Variants in MAGI1 observed in about 807,000 individuals in gnomAD.
MAGI1 encodes membrane associated guanylate kinase, WW and PDZ domain containing 1.
MAGI1 carries 58 observed loss-of-function variants against 139.9 expected under a neutral mutation model. The ratio of observed to expected loss-of-function variants is 0.41; its 90% CI spans 0.34 to 0.52. The LOEUF (loss-of-function observed/expected upper bound fraction) is 0.52, where lower values mean the gene tolerates loss of function less well. Among genes scored for constraint, MAGI1 ranks in the 20% least tolerant of loss-of-function variants. The pLI, the probability that MAGI1 is intolerant of heterozygous loss-of-function variation, is 0.12. For missense variants in MAGI1, 1,874 were observed against 1,901.6 expected, an observed-to-expected ratio of 0.99 and a Z score of 0.27; for synonymous variants, 812 against 737.9, an observed-to-expected ratio of 1.10 and a Z score of -1.63.
At chr3:65,819,650 G>T (rs943705348) in intron 1 of MAGI1, among the ~76,000 whole-genome samples, 1 of 151,906 alleles carries the variant, frequency 6.6e-6, no homozygotes, top group Non-Finnish European at 1.5e-5. Context: ...AGGCCAAGGC[G>T]GGTGGATCAT....
chr3:65,831,087 T>C (rs2042499863), intron 1 of MAGI1, among the ~76,000 whole-genome samples: 1 of 152,198 alleles, frequency 6.6e-6, no homozygotes, highest in Non-Finnish European at 1.5e-5. Context: ...TGATTCTGCA[T>C]TCTAAATTCA....
chr3:65,642,083 A>T (rs1329027626), intron 1 of MAGI1, among the ~76,000 whole-genome samples: 1 of 152,220 alleles, frequency 6.6e-6, no homozygotes, highest in Non-Finnish European at 1.5e-5. Flanking sequence ...CTGAAGGTGC[A>T]CAAAGCACCA....
At chr3:65,632,047 G>A (rs1230138927) in intron 1 of MAGI1, among the ~76,000 whole-genome samples, 1 of 151,154 alleles carries the variant, frequency 6.6e-6, no homozygotes, top group Non-Finnish European at 1.5e-5. Flanking sequence ...ACAGATATTT[G>A]CATGTCTTTC....
chr3:65,786,269 TTGCC>T (rs2039373907), intron 1 of MAGI1, among the ~76,000 whole-genome samples: 1 of 140,806 alleles, frequency 7.1e-6, no homozygotes, highest in African/African-American at 2.6e-5. Flanking sequence ...TTTTTTTTTT[TTGCC>T]TTGAAATCAA....
intron 14 of MAGI1, among the ~76,000 whole-genome samples, chr3:65,387,694 T>C (rs1378619110): frequency 6.6e-6 from 1 of 152,228 alleles, no homozygotes; most frequent in Non-Finnish European, 1.5e-5. Flanking sequence ...CAAGCCAGAA[T>C]AGTCTTATAT....
chr3:65,858,792 T>C (rs1559950137), intron 1 of MAGI1, among the ~76,000 whole-genome samples: 1 of 152,220 alleles, frequency 6.6e-6, no homozygotes, highest in Non-Finnish European at 1.5e-5. Flanking sequence ...TTTATGCAAA[T>C]ATATCTGCTC....
intron 1 of MAGI1, among the ~76,000 whole-genome samples, chr3:65,950,438 G>A (rs1322449348): frequency 2.0e-5 from 3 of 152,076 alleles, no homozygotes; most frequent in Admixed American, 6.5e-5. Flanking sequence ...CTTGTACCCC[G>A]CCCTCGCTGT....
chr3:65,454,556 A>C (rs1949261613), intron 5 of MAGI1, among the ~76,000 whole-genome samples: 1 of 135,864 alleles, frequency 7.4e-6, no homozygotes, highest in Admixed American at 6.9e-5. Context: ...TAATAATAAT[A>C]AAAAAATACT....
chr3:65,974,551 T>C (rs1041855744), intron 1 of MAGI1, among the ~76,000 whole-genome samples: 6 of 152,208 alleles, frequency 3.9e-5, no homozygotes, highest in Non-Finnish European at 7.3e-5. Flanking sequence ...TGACAGTTTC[T>C]GTGGGTCAGG....
intron 1 of MAGI1, among the ~76,000 whole-genome samples, chr3:65,975,224 C>G (rs10510948): frequency 1.3e-5 from 2 of 151,968 alleles, no homozygotes; most frequent in African/African-American, 2.4e-5. Context: ...TCTAAAAATT[C>G]AAGACTTGAC....
intron 1 of MAGI1, among the ~76,000 whole-genome samples, chr3:65,931,314 T>G (rs746618888): frequency 5.5e-4 from 84 of 152,332 alleles, no homozygotes; most frequent in Non-Finnish European, 1.1e-3. Flanking sequence ...ATTACAGGCA[T>G]GAGCCACCGC....
chr3:65,780,296 T>C (rs1159265452), intron 1 of MAGI1, among the ~76,000 whole-genome samples: 1 of 152,184 alleles, frequency 6.6e-6, no homozygotes, highest in Non-Finnish European at 1.5e-5. Flanking sequence ...AGTGCTGGGA[T>C]TACAGGAGTG....
At chr3:65,558,330 T>G (rs1334533004) in intron 2 of MAGI1, among the ~76,000 whole-genome samples, 1 of 152,128 alleles carries the variant, frequency 6.6e-6, no homozygotes, top group African/African-American at 2.4e-5. Context: ...GTGGAAAGAA[T>G]TACTAAGCAA....
At chr3:65,423,922 T>G (rs1157216645) in intron 12 of MAGI1, among the ~76,000 whole-genome samples, 1 of 152,226 alleles carries the variant, frequency 6.6e-6, no homozygotes, top group African/African-American at 2.4e-5. Context: ...TTATACTAAT[T>G]TATACCAAAT....
rs528795224 is a variant in MAGI1, at chr3:65,574,237, A to G, written c.430+47735T>C. 5.2e-3 allele frequency among the ~76,000 whole-genome samples: 757 copies of G among 146,334 alleles called. 9 individuals carry two copies. The highest frequency in any genetic ancestry group is 0.015 in the African/African-American group (591 of 38,264). The stretch of plus-strand genomic sequence containing the variant: ...TACATGTGCAGGTTTTTACATATAT[A>G]TATGTATATATATATACATACATAT... On this transcript the variant is annotated intron_variant, in intron 2 of 22. Coordinates refer to ENST00000402939, the MANE Select transcript of MAGI1 (RefSeq NM_001033057.2).
intron 2 of MAGI1, among the ~76,000 whole-genome samples, chr3:65,525,891 G>C (rs777988229): frequency 6.6e-4 from 100 of 152,278 alleles, no homozygotes; most frequent in Non-Finnish European, 8.2e-4. Context: ...CCATATAAGG[G>C]AGGCACACAT....
intron 2 of MAGI1, among the ~76,000 whole-genome samples, chr3:65,527,728 A>C (rs941967593): frequency 1.3e-5 from 2 of 152,038 alleles, no homozygotes; most frequent in Admixed American, 6.6e-5. Context: ...CTGTCTCAAA[A>C]AATGTATATA....
At chr3:65,436,054 T>C (rs1947824477) in intron 10 of MAGI1, among the ~76,000 whole-genome samples, 1 of 152,180 alleles carries the variant, frequency 6.6e-6, no homozygotes. Context: ...CTATATCCCA[T>C]CTTTATTAAA....
intron 2 of MAGI1, among the ~76,000 whole-genome samples, chr3:65,591,469 TATAACAACTTCCTGTC>T (rs1322261786): frequency 2.0e-5 from 3 of 152,262 alleles, no homozygotes; most frequent in African/African-American, 2.4e-5. Flanking sequence ...ACACCAGGAT[TATAACAACTTCCTGTC>T]ATAACAACTT....
Sources: allele counts gnomAD v4.1 joint callset (sites outside exome capture counted in the v4.1 genomes callset), GRCh38; gene constraint gnomAD v4.1.1; transcripts MANE v1.5; gene names NCBI Gene and HGNC (gene_info 2026-07-23, HGNC 2026-07-21).